The following AGBL1 variants were observed in gnomAD, a reference collection of about 807,000 sequenced individuals.
AGBL1 encodes cytosolic carboxypeptidase 4.
Under a neutral mutation model 118.9 loss-of-function variants are expected in AGBL1, and 130 were observed. The observed-to-expected ratio is 1.09, with a 90% CI of 0.95 to 1.26. AGBL1 has a LOEUF of 1.26. AGBL1 is among the 50% of genes most tolerant of loss of function. The pLI, the probability that AGBL1 is intolerant of heterozygous loss-of-function variation, is 0.00. For synonymous variants in AGBL1, 555 were observed against 478.9 expected, an observed-to-expected ratio of 1.16 and a Z score of -2.08; for missense variants, 1,584 against 1,298.1, an observed-to-expected ratio of 1.22 and a Z score of -3.38.
At chr15:86,521,097 G>T (rs541241136) in intron 18 of AGBL1, among the ~76,000 whole-genome samples, 20 of 152,254 alleles carry the variant, frequency 1.3e-4, no homozygotes, top group African/African-American at 4.8e-4. Flanking sequence ...ATATTTTAAT[G>T]GAGAAATCAG....
chr15:86,666,668 G>A lies in AGBL1; in HGVS notation c.2995-7605G>A, dbSNP rs564160728. Among the ~76,000 whole-genome samples the A allele has an allele frequency of 5.0e-3, 762 of 152,284 alleles. 4 individuals are homozygous for A. The highest frequency in any genetic ancestry group is 0.017 in the African/African-American group (716 of 41,562). On this transcript the variant is annotated intron_variant, in intron 21 of 22. Transcript: ENST00000614907. ...TGGTTTTGCATGAGCATTTGCTGCT[G>A]TTATTGATAATAATAAGTACTTACA...
chr15:86,831,074 C>A (rs1205028702), intron 22 of AGBL1, among the ~76,000 whole-genome samples: 1 of 152,098 alleles, frequency 6.6e-6, no homozygotes, highest in African/African-American at 2.4e-5. Context: ...TGCAGGAGAC[C>A]TCTTCTATGT....
chr15:86,841,151 G>A (rs1457006262), intron 22 of AGBL1, among the ~76,000 whole-genome samples: 2 of 152,212 alleles, frequency 1.3e-5, no homozygotes, highest in African/African-American at 2.4e-5. Flanking sequence ...CCTACAGGCA[G>A]CTCAGCATTT....
chr15:86,249,879 T>C (rs1364987051), intron 7 of AGBL1, among the ~76,000 whole-genome samples: 4 of 152,242 alleles, frequency 2.6e-5, no homozygotes, highest in East Asian at 3.9e-4. Context: ...TGAGGTGCTA[T>C]GAATCTGTGC....
chr15:86,224,146 T>A (rs559773843), intron 5 of AGBL1, among the ~76,000 whole-genome samples: 2 of 152,194 alleles, frequency 1.3e-5, no homozygotes, highest in South Asian at 2.1e-4. Context: ...TCTATTTTTT[T>A]AAAAAAGCAA....
chr15:86,483,277 T>C (rs1374348687), intron 18 of AGBL1, among the ~76,000 whole-genome samples: 1 of 152,046 alleles, frequency 6.6e-6, no homozygotes, highest in East Asian at 1.9e-4. Context: ...CACTTCATGG[T>C]TGATGGTCTC....
chr15:87,004,228 G>A lies in AGBL1; in HGVS notation c.3323+16140G>A, dbSNP rs185008792. On this transcript the variant is annotated intron_variant, in intron 24 of 24. Coordinates refer to the AGBL1 transcript ENST00000441037. ...CTGCCTTCATTTCGTTATATACCCA[G>A]TAGTCATTCAGGAGCAGGTTGTTCA... Among the ~76,000 whole-genome samples, 3 of 152,222 alleles carry A rather than the reference G, an allele frequency of 2.0e-5. No homozygotes were observed. In the East Asian group the frequency reaches 5.8e-4, roughly 29 times the overall value.
chr15:86,391,640 GTTTTTTTT>G (rs751427467), intron 17 of AGBL1, among the ~76,000 whole-genome samples: 44 of 73,788 alleles, frequency 6.0e-4, no homozygotes, highest in African/African-American at 2.4e-3. Flanking sequence ...GTTGTTGTTG[GTTTTTTTT>G]TTTTTTTTTT....
intron 18 of AGBL1, among the ~76,000 whole-genome samples, chr15:86,475,717 C>G (rs1354401256): frequency 6.6e-6 from 1 of 152,110 alleles, no homozygotes; most frequent in East Asian, 1.9e-4. Flanking sequence ...TCAGGAAATA[C>G]AGAGAATGCC....
At chr15:86,647,393 C>A (rs2447250) in intron 21 of AGBL1, among the ~76,000 whole-genome samples, 58,344 of 152,072 alleles carry the variant, frequency 0.38, 11,684 homozygotes, top group Middle Eastern at 0.47. Flanking sequence ...TGTTTTCATG[C>A]AACTTAGAAA....
intron 6 of AGBL1, among the ~76,000 whole-genome samples, chr15:86,236,362 T>C (rs10525558): frequency 7.3e-5 from 10 of 136,132 alleles, no homozygotes; most frequent in Non-Finnish European, 1.4e-4. Flanking sequence ...TTTTTTTTTT[T>C]CCAGTAGGGG....
chr15:86,927,696 C>T (rs866089551), intron 23 of AGBL1, among the ~76,000 whole-genome samples: 4 of 152,080 alleles, frequency 2.6e-5, no homozygotes, highest in Non-Finnish European at 5.9e-5. Context: ...TATTGATAAT[C>T]ATGACCAGTA....
intron 22 of AGBL1, among the ~76,000 whole-genome samples, chr15:86,845,948 ACTTAC>A (rs1254853727): frequency 6.6e-6 from 1 of 152,144 alleles, no homozygotes; most frequent in Non-Finnish European, 1.5e-5. Context: ...ATAAAAGCCA[ACTTAC>A]CTTCTTCCCT....
intron 22 of AGBL1, among the ~76,000 whole-genome samples, chr15:86,831,974 C>A (rs2079110885): frequency 2.6e-5 from 4 of 152,224 alleles, no homozygotes; most frequent in Admixed American, 2.0e-4. Context: ...AACCTCAATT[C>A]TTGACTTCTG....
chr15:86,875,432 A>C (rs1477988297), intron 22 of AGBL1, among the ~76,000 whole-genome samples: 1 of 152,140 alleles, frequency 6.6e-6, no homozygotes, highest in African/African-American at 2.4e-5. Context: ...TTTTTACTAG[A>C]AGATTCCATA....
At chr15:86,698,760 A>G (rs952981474) in intron 22 of AGBL1, among the ~76,000 whole-genome samples, 1 of 151,944 alleles carries the variant, frequency 6.6e-6, no homozygotes, top group African/African-American at 2.4e-5. Flanking sequence ...TAGGAATTTG[A>G]GACAGTGGTT....
intron 17 of AGBL1, among the ~76,000 whole-genome samples, chr15:86,382,828 T>C (rs984415565): frequency 2.0e-5 from 3 of 152,144 alleles, no homozygotes; most frequent in Non-Finnish European, 2.9e-5. Flanking sequence ...ATTCTGTTTG[T>C]GGAGTAACAA....
chr15:86,787,915 A>G (rs942218777), intron 22 of AGBL1, among the ~76,000 whole-genome samples: 8 of 152,086 alleles, frequency 5.3e-5, no homozygotes, highest in African/African-American at 1.9e-4. Context: ...AAGAGTCTAT[A>G]TATTTTGAAC....
chr15:86,206,765 G>T (rs1474750975), intron 5 of AGBL1, among the ~76,000 whole-genome samples: 1 of 152,166 alleles, frequency 6.6e-6, no homozygotes, highest in African/African-American at 2.4e-5. Flanking sequence ...TAGGTTGCCT[G>T]TTCACTCTGA....
Sources: allele counts gnomAD v4.1 joint callset (sites outside exome capture counted in the v4.1 genomes callset), GRCh38; gene constraint gnomAD v4.1.1; transcripts MANE v1.5; gene names NCBI Gene and HGNC (gene_info 2026-07-23, HGNC 2026-07-21).